The following ATXN10 variants were observed in gnomAD, a reference collection of about 807,000 sequenced individuals.
The protein encoded by ATXN10 is ataxin 10, also known as ataxin-10.
Under a neutral mutation model 52.9 loss-of-function variants are expected in ATXN10, and 28 were observed. That is an observed-to-expected ratio of 0.53 (90% confidence interval 0.39 to 0.73). The LOEUF (loss-of-function observed/expected upper bound fraction) is 0.73, where lower values mean the gene tolerates loss of function less well. Among genes scored for constraint, ATXN10 ranks in the 30% least tolerant of loss-of-function variants. ATXN10 has a pLI of 0.00. For synonymous variants in ATXN10, 226 were observed against 221.5 expected, an observed-to-expected ratio of 1.02 and a Z score of -0.18; for missense variants, 565 against 577.0, an observed-to-expected ratio of 0.98 and a Z score of 0.21.
intron 9 of ATXN10, among the ~76,000 whole-genome samples, chr22:45,800,752 A>T (rs136011): frequency 6.6e-6 from 1 of 152,222 alleles, no homozygotes; most frequent in Non-Finnish European, 1.5e-5. Flanking sequence ...GAAATAAACA[A>T]AAATCAATGA....
intron 2 of ATXN10, 151 bp from the exon 3 acceptor site, chr22:45,692,845 A>G (rs998535740): frequency 4.3e-6 from 3 of 699,242 alleles, no homozygotes; most frequent in Non-Finnish European, 7.6e-6. Context: ...TAGGGTTGCT[A>G]TATTTTTCCT....
At chr22:45,797,249 C>G (rs984264550) in intron 9 of ATXN10, among the ~76,000 whole-genome samples, 2 of 152,190 alleles carry the variant, frequency 1.3e-5, no homozygotes, top group Admixed American at 1.3e-4. Flanking sequence ...GAACACTGCA[C>G]CAATAACAGC....
At chr22:45,793,336 G>T in intron 9 of ATXN10, 1 of 188,376 alleles carries the variant, frequency 5.3e-6, no homozygotes, top group Middle Eastern at 5.2e-4. Context: ...TTTAAAAATT[G>T]TCTTCACGAA....
chr22:45,711,133 A>G (rs1265690947), intron 5 of ATXN10, among the ~76,000 whole-genome samples: 10 of 152,204 alleles, frequency 6.6e-5, no homozygotes. Flanking sequence ...TGTCTACCCA[A>G]AACCCCAGTC....
In ATXN10 at chr22:45,763,659, C is replaced by G. The variant is rs1003613715; in HGVS notation, c.1173+23121C>G. 2.6e-5 allele frequency among the ~76,000 whole-genome samples: 4 copies of G among 152,210 alleles called. No individual in the cohort carries two copies. The highest frequency in any genetic ancestry group is 5.9e-5 in the Non-Finnish European group (4 of 68,030). On this transcript the variant is annotated intron_variant, in intron 9 of 11. Coordinates refer to ENST00000252934, the MANE Select transcript of ATXN10 (RefSeq NM_013236.4). This position sits in a 1 kb window ranked among gnomAD's most constrained non-coding sequence, Gnocchi z 6.9. ...TGGGCTCTTGCCTTTTTCTCTGTTC[C>G]TTCACTGCCACAGGTCAGACTGTCT... is the stretch of plus-strand genomic sequence containing the variant.
chr22:45,804,872 A>G (rs1569071981), intron 9 of ATXN10, among the ~76,000 whole-genome samples: 1 of 152,048 alleles, frequency 6.6e-6, no homozygotes, highest in East Asian at 1.9e-4. Flanking sequence ...TTAACCTTCC[A>G]TTGTTTCTTG....
intron 10 of ATXN10, among the ~76,000 whole-genome samples, chr22:45,839,908 G>T (rs541275884): frequency 3.9e-5 from 6 of 152,338 alleles, no homozygotes; most frequent in Middle Eastern, 3.4e-3. Context: ...CTGCAGTGCC[G>T]CCATGGCCCC....
At chr22:45,827,963 G>T (rs1754563491) in intron 10 of ATXN10, among the ~76,000 whole-genome samples, 1 of 152,126 alleles carries the variant, frequency 6.6e-6, no homozygotes, top group Admixed American at 6.5e-5. Context: ...ATCAGAAATA[G>T]AACTAAAACT....
At chr22:45,815,666 T>G (rs1235658380) in intron 10 of ATXN10, among the ~76,000 whole-genome samples, 1 of 152,066 alleles carries the variant, frequency 6.6e-6, no homozygotes. Flanking sequence ...AAAAATTGTT[T>G]CCATTTTACA....
chr22:45,758,413 A>G (rs1926253910), intron 9 of ATXN10, among the ~76,000 whole-genome samples: 1 of 152,266 alleles, frequency 6.6e-6, no homozygotes, highest in African/African-American at 2.4e-5. Flanking sequence ...GGCTTGAGCT[A>G]TAGCCACTGA....
At chr22:45,758,636 G>A (rs1221762828) in intron 9 of ATXN10, among the ~76,000 whole-genome samples, 1 of 152,228 alleles carries the variant, frequency 6.6e-6, no homozygotes, top group African/African-American at 2.4e-5. Context: ...TTTTTGGGTT[G>A]CCAGGTGTTC....
intron 9 of ATXN10, among the ~76,000 whole-genome samples, chr22:45,767,345 T>C (rs1926618128): frequency 6.6e-6 from 1 of 152,052 alleles, no homozygotes; most frequent in Non-Finnish European, 1.5e-5. Context: ...ATTTTTATAG[T>C]ATACTATATC....
chr22:45,839,561 C>T (rs1006202453), intron 10 of ATXN10, among the ~76,000 whole-genome samples: 6 of 152,134 alleles, frequency 3.9e-5, no homozygotes, highest in Non-Finnish European at 5.9e-5. Flanking sequence ...ATATATAAAG[C>T]GGGCATTGTG....
Position 45,727,122 on chromosome 22 carries a change from A to C in ATXN10, c.729-2303A>C, listed in dbSNP as rs971523542. Among the ~76,000 whole-genome samples, 8 of 152,116 alleles carry C rather than the reference A, an allele frequency of 5.3e-5. No individual in the cohort carries two copies. Among genetic ancestry groups the C allele is most frequent in the Non-Finnish European group, 1.2e-4 (8 of 68,020 alleles). On this transcript the variant is annotated intron_variant, in intron 6 of 11. Coordinates refer to ENST00000252934, the MANE Select transcript of ATXN10 (RefSeq NM_013236.4). The surrounding 1 kb of genome is among the most constrained non-coding windows in gnomAD (Gnocchi z 4.6). ...TTGCTGTATCCCAGAAGTTTTGATAAATTATATCTCTGTTATCATTTATTT... is the reference window on the plus strand; with the variant it reads ...TTGCTGTATCCCAGAAGTTTTGATACATTATATCTCTGTTATCATTTATTT...
chr22:45,842,954 G>C lies in ATXN10; in HGVS notation c.1238-37G>C. On this transcript the variant is annotated intron_variant, in intron 10 of 11. Transcript: ENST00000252934. This position sits in a 1 kb window ranked among gnomAD's most constrained non-coding sequence, Gnocchi z 4.8. ...ATTCTTATGTGAAGTTATCAAACAGGAAAGTACGTTGTCACATTCCTTCAC... is the reference window on the plus strand; with the variant it reads ...ATTCTTATGTGAAGTTATCAAACAGCAAAGTACGTTGTCACATTCCTTCAC... 6.2e-7 allele frequency: 1 copy of C among 1,601,766 alleles called. No individual in the cohort carries two copies. The highest frequency in any genetic ancestry group is 1.1e-5 in the South Asian group (1 of 90,762).
At position 45,721,168 on chromosome 22, in the gene ATXN10, A is replaced by G. The variant is rs1924636048; in HGVS notation, c.728+2675A>G. Among the ~76,000 whole-genome samples, 3 of 152,176 alleles carry G rather than the reference A, an allele frequency of 2.0e-5. No individual in the cohort carries two copies. In the South Asian group the frequency reaches 6.2e-4, roughly 32 times the overall value. Reference sequence around the variant, plus strand: ...AATTTTGGATATAGACTCATCATCAATTCACGTGGCATGATTCAGCAAAAA... The same window carrying G: ...AATTTTGGATATAGACTCATCATCAGTTCACGTGGCATGATTCAGCAAAAA... On this transcript the variant is annotated intron_variant, in intron 6 of 11. Transcript: ENST00000252934.
chr22:45,822,523 ATTTTTT>A (rs763159693), intron 10 of ATXN10, among the ~76,000 whole-genome samples: 1 of 96,634 alleles, frequency 1.0e-5, no homozygotes, highest in Non-Finnish European at 1.9e-5. Context: ...AATTTCTCCA[ATTTTTT>A]TTTTTTTTTT....
intron 9 of ATXN10, among the ~76,000 whole-genome samples, chr22:45,761,883 A>G (rs111592616): frequency 3.5e-4 from 53 of 152,366 alleles, no homozygotes; most frequent in Admixed American, 2.4e-3. Context: ...GGCTGAAACT[A>G]TACTTAAATA....
chr22:45,818,929 C>G lies in ATXN10; in HGVS notation c.1237+11907C>G, dbSNP rs1042586505. ...CATCCTGGGGCCTGACCTTGGTGCA[C>G]TGTGTCTCTGGCTTCTTTGCATGCC... On this transcript the variant is annotated intron_variant, in intron 10 of 11. Transcript: ENST00000252934. The surrounding 1 kb of genome is among the most constrained non-coding windows in gnomAD (Gnocchi z 4.6). Among the ~76,000 whole-genome samples, 1 of 152,168 alleles carries G rather than the reference C, an allele frequency of 6.6e-6. No homozygotes were observed. Among genetic ancestry groups the G allele is most frequent in the Non-Finnish European group, 1.5e-5 (1 of 68,040 alleles).
Sources: gnomAD v4.1 joint callset for allele counts (sites outside exome capture counted in the v4.1 genomes callset) on GRCh38, gnomAD v4.1.1 for gene constraint, Gnocchi (gnomAD v3.1) non-coding constraint, MANE v1.5 for transcripts, NCBI Gene and HGNC (gene_info 2026-07-23, HGNC 2026-07-21) for gene names.